ABR: variants seen among roughly 807,000 people sequenced by gnomAD.
ABR encodes ABR activator of RhoGEF and GTPase, also known as active breakpoint cluster region-related protein.
In ABR, 35 loss-of-function variants were observed where a neutral mutation model predicts 107.2. The ratio of observed to expected loss-of-function variants is 0.33; its 90% CI spans 0.25 to 0.43. ABR has a LOEUF of 0.43. ABR is among the 20% of genes least tolerant of loss of function. The pLI is 1.00. For synonymous variants in ABR, 498 were observed against 462.0 expected, an observed-to-expected ratio of 1.08 and a Z score of -1.00; for missense variants, 815 against 1,115.2, an observed-to-expected ratio of 0.73 and a Z score of 3.83.
At position 1,037,986 on chromosome 17, in the gene ABR, G is replaced by GT. The variant is rs1567627585; in HGVS notation, c.1791+12063dup. ...TTTCTGCTGAGGACGCACCCCTGCCGTTTTTTCCAAATGAAATTTTATGCC... is the reference window on the plus strand; with the variant it reads ...TTTCTGCTGAGGACGCACCCCTGCCGTTTTTTTCCAAATGAAATTTTATGCC... On this transcript the variant is annotated intron_variant, in intron 16 of 22. Transcript: ENST00000302538. The surrounding 1 kb of genome is among the most constrained non-coding windows in gnomAD (Gnocchi z 4.6). Among the ~76,000 whole-genome samples the GT allele has an allele frequency of 4.6e-5, 7 of 152,134 alleles. No individual in the cohort carries two copies. The highest frequency in any genetic ancestry group is 4.6e-4 in the Admixed American group (7 of 15,268).
At chr17:1,180,112 C>T (rs1326569575), upstream of ABR, among the ~76,000 whole-genome samples, 1 of 151,208 alleles carries the variant, frequency 6.6e-6, no homozygotes, top group East Asian at 2.0e-4. Context: ...CCGCAGGACG[C>T]CCCCGGCCGG....
intron 16 of ABR, among the ~76,000 whole-genome samples, chr17:1,038,380 T>A (rs2073359836): frequency 6.6e-6 from 1 of 152,200 alleles, no homozygotes; most frequent in Non-Finnish European, 1.5e-5. Context: ...GTGTCTCTGC[T>A]TCTCTCCCTC....
intron 16 of ABR, among the ~76,000 whole-genome samples, chr17:1,032,464 G>A (rs1198271898): frequency 2.0e-5 from 3 of 152,238 alleles, no homozygotes; most frequent in Non-Finnish European, 4.4e-5. Context: ...CGTCCAGCCA[G>A]AGATGCCTCT....
intron 16 of ABR, among the ~76,000 whole-genome samples, chr17:1,021,619 C>T (rs551815215): frequency 1.3e-4 from 20 of 151,104 alleles, no homozygotes; most frequent in Middle Eastern, 3.5e-3. Flanking sequence ...ACCTGACCAA[C>T]GTGGCGAAAC....
In ABR at chr17:1,092,230, G is replaced by A. The variant is rs2037078218; in HGVS notation, c.346-380C>T. ...ACTTCAGTGGAAGGGAGGGTTGACA[G>A]GGAACTCAAGCCTATAGCTGTTTCC... On this transcript the variant is annotated intron_variant, in intron 3 of 22. Transcript: ENST00000302538. This position sits in a 1 kb window ranked among gnomAD's most constrained non-coding sequence, Gnocchi z 4.6. 6.6e-6 allele frequency among the ~76,000 whole-genome samples: 1 copy of A among 152,216 alleles called. No homozygotes were observed. The highest frequency in any genetic ancestry group is 6.5e-5 in the Admixed American group (1 of 15,288).
At chr17:1,034,692 G>A (rs28711879) in intron 16 of ABR, among the ~76,000 whole-genome samples, 5,592 of 152,182 alleles carry the variant, frequency 0.037, 210 homozygotes, top group South Asian at 0.19. Context: ...CATGTAACTG[G>A]CTGGTAGGAT....
At chr17:1,138,921 G>T (rs1229536668) in intron 1 of ABR, among the ~76,000 whole-genome samples, 1 of 152,226 alleles carries the variant, frequency 6.6e-6, no homozygotes, top group Non-Finnish European at 1.5e-5. Context: ...GCTTAGCATT[G>T]AATAAAGACA....
At chr17:1,009,576 C>A (rs1262173212) in intron 21 of ABR, 103 bp downstream of exon 21, 14 of 964,660 alleles carry the variant, frequency 1.5e-5, no homozygotes, top group Non-Finnish European at 2.1e-5. Flanking sequence ...CTCCCCGTTA[C>A]CTTTTCACGA....
rs1421241666 is a variant in ABR, at chr17:1,057,962, G to A, written c.1381+8C>T. ...TCATTGGGGAGCGTGGAAGAGGCAGGAATTTACCCTTCTTCTGTAGTTTCT... is the reference window on the plus strand; with the variant it reads ...TCATTGGGGAGCGTGGAAGAGGCAGAAATTTACCCTTCTTCTGTAGTTTCT... On this transcript the variant is annotated splice_region_variant and intron_variant, in intron 12 of 22. Coordinates refer to ENST00000302538, the MANE Select transcript of ABR (RefSeq NM_021962.5). 1 of 1,612,756 alleles carries A rather than the reference G, an allele frequency of 6.2e-7. No homozygotes were observed.
In ABR at chr17:1,054,507, A is replaced by T. The variant is rs1369888997; in HGVS notation, c.1561+1528T>A. 2.5e-4 allele frequency among the ~76,000 whole-genome samples: 33 copies of T among 131,604 alleles called. 1 individual carries two copies. The highest frequency in any genetic ancestry group is 9.9e-4 in the African/African-American group (30 of 30,320). The allele number at this position is 131,604 out of a possible 152,430, so 86.3% of individuals were successfully genotyped here. Reference sequence around the variant, plus strand: ...CACAAGGAACCTCAAAGGGATGGGGATACAAGGAACCTCAGGGGATGGGGG... The same window carrying T: ...CACAAGGAACCTCAAAGGGATGGGGTTACAAGGAACCTCAGGGGATGGGGG... On this transcript the variant is annotated intron_variant, in intron 14 of 22. Coordinates refer to ENST00000302538, the MANE Select transcript of ABR (RefSeq NM_021962.5).
intron 16 of ABR, among the ~76,000 whole-genome samples, chr17:1,015,441 C>A (rs2071073726): frequency 6.7e-6 from 1 of 148,948 alleles, no homozygotes; most frequent in Non-Finnish European, 1.5e-5. Flanking sequence ...AAAAAGTAAG[C>A]CGACACATTA....
intron 2 of ABR, among the ~76,000 whole-genome samples, chr17:1,113,478 G>T (rs2038834260): frequency 6.6e-6 from 1 of 151,832 alleles, no homozygotes; most frequent in African/African-American, 2.4e-5. Context: ...GTAGAGATGG[G>T]GTTTCATCAT....
At chr17:1,192,991 TGAGCC>T (rs1311502138) in intron 1 of ABR, among the ~76,000 whole-genome samples, 1 of 152,186 alleles carries the variant, frequency 6.6e-6, no homozygotes, top group African/African-American at 2.4e-5. Context: ...GAGGCTGTAG[TGAGCC>T]GAGATTGCGC....
intron 1 of ABR, among the ~76,000 whole-genome samples, chr17:1,175,816 G>T (rs1407526808): frequency 6.6e-6 from 1 of 152,240 alleles, no homozygotes; most frequent in African/African-American, 2.4e-5. Flanking sequence ...TCAGGGCCGG[G>T]CGCGGTGGCT....
intron 1 of ABR, among the ~76,000 whole-genome samples, chr17:1,160,218 C>T (rs1286508621): frequency 6.6e-6 from 1 of 151,860 alleles, no homozygotes; most frequent in Non-Finnish European, 1.5e-5. Context: ...TACACCACTG[C>T]ACTCCAGCCT....
intron 6 of ABR, among the ~76,000 whole-genome samples, chr17:1,074,249 A>G (rs1383190296): frequency 1.3e-5 from 2 of 149,654 alleles, no homozygotes; most frequent in South Asian, 2.1e-4. Flanking sequence ...CACGCCCCGT[A>G]GAGTCCAGCA....
At chr17:1,012,189 G>A in intron 18 of ABR, 2 of 792,248 alleles carry the variant, frequency 2.5e-6, no homozygotes, top group South Asian at 2.9e-5. Flanking sequence ...GGCATCGACG[G>A]ACGTGGGCAG....
Position 1,032,175 on chromosome 17 carries a change from C to T in ABR, c.1791+17875G>A, listed in dbSNP as rs551378112. On this transcript the variant is annotated intron_variant, in intron 16 of 22. Transcript: ENST00000302538. The stretch of plus-strand genomic sequence containing the variant: ...CCAAGCGGAGGGGCCGGGGGCCAGG[C>T]GGGGGCTGCATTTTGGCCACAAACA... 7.2e-5 allele frequency among the ~76,000 whole-genome samples: 11 copies of T among 152,216 alleles called. No individual in the cohort carries two copies. The South Asian group carries it at 2.1e-3, about 29-fold the overall frequency.
intron 2 of ABR, among the ~76,000 whole-genome samples, chr17:1,107,937 G>A (rs981250749): frequency 1.3e-5 from 2 of 152,228 alleles, no homozygotes; most frequent in African/African-American, 4.8e-5. Context: ...CTGTAGAGTG[G>A]GTGGGGCAGG....
Sources: allele counts gnomAD v4.1 joint callset (sites outside exome capture counted in the v4.1 genomes callset), GRCh38; gene constraint gnomAD v4.1.1; non-coding constraint Gnocchi (gnomAD v3.1); transcripts MANE v1.5; gene names NCBI Gene and HGNC (gene_info 2026-07-23, HGNC 2026-07-21).